RRM2: variants seen among roughly 807,000 people sequenced by gnomAD.
RRM2 encodes the protein ribonucleoside-diphosphate reductase subunit M2.
Under a neutral mutation model 45.9 loss-of-function variants are expected in RRM2, and 6 were observed. The ratio of observed to expected loss-of-function variants is 0.13; its 90% CI spans 0.07 to 0.26. RRM2 has a LOEUF of 0.26. RRM2 is among the 10% of genes least tolerant of loss of function. The pLI is 1.00. For synonymous variants in RRM2, 177 were observed against 173.0 expected, an observed-to-expected ratio of 1.02 and a Z score of -0.18; for missense variants, 343 against 489.5, an observed-to-expected ratio of 0.70 and a Z score of 2.82.
At chr2:10,189,734 G>A (rs190592735) in intron 3 of RRM2, among the ~76,000 whole-genome samples, 2 of 152,004 alleles carry the variant, frequency 1.3e-5, no homozygotes, top group East Asian at 3.9e-4. Context: ...CACAGGGTGA[G>A]GGTTAAGTCA....
intron 3 of RRM2, chr2:10,156,333 A>G (rs769336185): frequency 2.0e-5 from 3 of 152,248 alleles, no homozygotes; most frequent in Non-Finnish European, 4.4e-5. Context: ...CGGGTTGGAC[A>G]AGCTTGCTAT....
chr2:10,140,835 A>C (rs1236077420), upstream of RRM2, among the ~76,000 whole-genome samples: 1 of 152,028 alleles, frequency 6.6e-6, no homozygotes, highest in Non-Finnish European at 1.5e-5. Flanking sequence ...TTTTCCTATA[A>C]TGTTCTTATA....
In RRM2 at chr2:10,127,430, G is replaced by C. The variant is rs1487961630; in HGVS notation, c.798+210G>C. The stretch of plus-strand genomic sequence containing the variant: ...ATTCTCAATATATTGTAATACATTT[G>C]TACATATGTATTCCCCTATAGGCTT... On this transcript the variant is annotated intron_variant, in intron 7 of 9. Coordinates refer to ENST00000304567, the MANE Select transcript of RRM2 (RefSeq NM_001034.4). The surrounding 1 kb of genome is among the most constrained non-coding windows in gnomAD (Gnocchi z 4.1). 1.8e-6 allele frequency: 1 copy of C among 569,610 alleles called. No individual in the cohort carries two copies. The highest frequency in any genetic ancestry group is 3.2e-5 in the Admixed American group (1 of 31,458). The allele number at this position is 569,610 out of a possible 1,614,324, so 35.3% of individuals were successfully genotyped here.
intron 3 of RRM2, among the ~76,000 whole-genome samples, chr2:10,148,397 A>C (rs1315034612): frequency 1.1e-5 from 1 of 87,506 alleles, no homozygotes; most frequent in Non-Finnish European, 2.6e-5. Context: ...AAAAGGGACT[A>C]AATGAAAAAA....
At chr2:10,145,143 G>A (rs936587419) in intron 3 of RRM2, among the ~76,000 whole-genome samples, 2 of 152,190 alleles carry the variant, frequency 1.3e-5, no homozygotes, top group African/African-American at 4.8e-5. Flanking sequence ...AGGTATGGGA[G>A]CTCCTGGCAG....
intron 3 of RRM2, among the ~76,000 whole-genome samples, chr2:10,157,069 C>T (rs1003121135): frequency 1.5e-5 from 2 of 135,506 alleles, no homozygotes; most frequent in Non-Finnish European, 3.1e-5. Flanking sequence ...TCGCCCAGGC[C>T]GGACTGCGGA....
At chr2:10,192,096 C>T (rs894895679) in intron 3 of RRM2, among the ~76,000 whole-genome samples, 2 of 143,700 alleles carry the variant, frequency 1.4e-5, no homozygotes, top group African/African-American at 2.6e-5. Context: ...GGGGCTGGAG[C>T]TGCTCTGTGA....
chr2:10,176,243 C>G (rs990686908), intron 3 of RRM2, among the ~76,000 whole-genome samples: 1 of 152,080 alleles, frequency 6.6e-6, no homozygotes, highest in Admixed American at 6.6e-5. Context: ...AAGTGGAATT[C>G]CTGATCATAT....
chr2:10,170,023 T>G (rs1055579976), intron 3 of RRM2, among the ~76,000 whole-genome samples: 2 of 152,176 alleles, frequency 1.3e-5, no homozygotes, highest in East Asian at 3.9e-4. Context: ...CTGATGCCCC[T>G]GCTGTCCCTG....
chr2:10,183,208 G>A lies in RRM2; in HGVS notation n.483-27103G>A, dbSNP rs111696448. On this transcript the variant is annotated intron_variant and non_coding_transcript_variant, in intron 3 of 3. Coordinates refer to the RRM2 transcript ENST00000381786. ...AAATAAATAGAAGGAGGAGAGGCGT[G>A]AGCATTGAGAGCATGGCCAAAGAGC... 3.0e-4 allele frequency among the ~76,000 whole-genome samples: 45 copies of A among 152,320 alleles called. 1 individual carries two copies. The highest frequency in any genetic ancestry group is 1.0e-3 in the African/African-American group (43 of 41,582).
At chr2:10,156,086 C>T (rs1029741115) in intron 3 of RRM2, 23 of 152,238 alleles carry the variant, frequency 1.5e-4, no homozygotes, top group African/African-American at 5.5e-4. Flanking sequence ...CCCCTCTAGA[C>T]CTTGGAGCTC....
intron 3 of RRM2, among the ~76,000 whole-genome samples, chr2:10,200,290 A>G (rs1252561949): frequency 6.6e-6 from 1 of 152,222 alleles, no homozygotes; most frequent in Admixed American, 6.5e-5. Flanking sequence ...AATACCTGTG[A>G]GTTGGGTGAA....
rs1662852574 is a variant in RRM2, at chr2:10,129,476, T to C, written c.*90T>C. 2.3e-6 allele frequency: 3 copies of C among 1,304,384 alleles called. No individual in the cohort carries two copies. Among genetic ancestry groups the C allele is most frequent in the Admixed American group, 2.2e-5 (1 of 46,296 alleles). 80.8% of individuals were successfully genotyped at this position (1,304,384 alleles called of 1,614,324 possible). A position where few individuals can be genotyped will look rare whatever the true frequency, so the allele number is the denominator to read the frequency against. ...GAAGTGTTACCAACTAGCCACACCA[T>C]GAATTGTCCGTAATGTTCATTAACA... On this transcript the variant is annotated 3_prime_UTR_variant, in exon 10 of 10. Transcript: ENST00000304567. This position sits in a 1 kb window ranked among gnomAD's most constrained non-coding sequence, Gnocchi z 4.8.
chr2:10,163,253 G>A (rs946482948), intron 3 of RRM2, among the ~76,000 whole-genome samples: 9 of 151,490 alleles, frequency 5.9e-5, no homozygotes, highest in Admixed American at 1.3e-4. Flanking sequence ...GAGGGGGAGC[G>A]AGCGCTTGAT....
rs1024710063 is a variant in RRM2 at position 10,169,638 on chromosome 2, C to T, written n.482+27263C>T. Among the ~76,000 whole-genome samples, 7 of 152,198 alleles carry T rather than the reference C, an allele frequency of 4.6e-5. No homozygotes were observed. Among genetic ancestry groups the T allele is most frequent in the African/African-American group, 1.7e-4 (7 of 41,448 alleles). On this transcript the variant is annotated intron_variant and non_coding_transcript_variant, in intron 3 of 3. Coordinates refer to the RRM2 transcript ENST00000381786. This position sits in a 1 kb window ranked among gnomAD's most constrained non-coding sequence, Gnocchi z 5.1. ...CGGCTGCTCCTTGGAAGCTGGCAGGCACGGCCACAGAATATGCGCCCCTTT... is the reference window on the plus strand; with the variant it reads ...CGGCTGCTCCTTGGAAGCTGGCAGGTACGGCCACAGAATATGCGCCCCTTT...
chr2:10,162,007 C>T (rs1051658499), intron 3 of RRM2, among the ~76,000 whole-genome samples: 5 of 152,336 alleles, frequency 3.3e-5, no homozygotes, highest in East Asian at 1.9e-4. Context: ...ACTGGGCAGC[C>T]GGGAAACCGA....
rs113270152 is a variant in RRM2, at chr2:10,200,690, T to A, written n.483-9621T>A. Among the ~76,000 whole-genome samples, 176 of 103,754 alleles carry A rather than the reference T, an allele frequency of 1.7e-3. 21 individuals carry two copies. The highest frequency in any genetic ancestry group is 4.3e-3 in the African/African-American group (94 of 21,630). 68.1% of individuals were successfully genotyped at this position (103,754 alleles called of 152,430 possible). A position where few individuals can be genotyped will look rare whatever the true frequency, so the allele number is the denominator to read the frequency against. On this transcript the variant is annotated intron_variant and non_coding_transcript_variant, in intron 3 of 3. Coordinates refer to the RRM2 transcript ENST00000381786. ...GGCCCACAGGGACTGCGCGCACAAA[T>A]TATGAGTCCCACGGGGACCGCGCAC...
chr2:10,129,504 A>G lies in RRM2; in HGVS notation c.*118A>G, dbSNP rs1191897819. The G allele has an allele frequency of 8.4e-6, 9 of 1,073,172 alleles. No individual in the cohort carries two copies. The highest frequency in any genetic ancestry group is 6.8e-6 in the Non-Finnish European group (5 of 736,432). 66.5% of individuals were successfully genotyped at this position (1,073,172 alleles called of 1,614,324 possible). A position where few individuals can be genotyped will look rare whatever the true frequency, so the allele number is the denominator to read the frequency against. On this transcript the variant is annotated 3_prime_UTR_variant, in exon 10 of 10. Coordinates refer to ENST00000304567, the MANE Select transcript of RRM2 (RefSeq NM_001034.4). This position sits in a 1 kb window ranked among gnomAD's most constrained non-coding sequence, Gnocchi z 4.8. ...ATTGTCCGTAATGTTCATTAACAGC[A>G]TCTTTAAAACTGTGTAGCTACCTCA...
At chr2:10,137,332 C>T (rs372128233), upstream of RRM2, among the ~76,000 whole-genome samples, 5 of 152,326 alleles carry the variant, frequency 3.3e-5, no homozygotes, top group South Asian at 2.1e-4. Flanking sequence ...CATGCTGGTC[C>T]GCCCAAGGAA....
Sources: allele counts gnomAD v4.1 joint callset (sites outside exome capture counted in the v4.1 genomes callset), GRCh38; gene constraint gnomAD v4.1.1; non-coding constraint Gnocchi (gnomAD v3.1); transcripts MANE v1.5; gene names NCBI Gene and HGNC (gene_info 2026-07-23, HGNC 2026-07-21).